The following DDX10 variants were observed in gnomAD, a reference collection of about 807,000 sequenced individuals.
The protein encoded by DDX10 is probable ATP-dependent RNA helicase DDX10.
In DDX10, 74 loss-of-function variants were observed where a neutral mutation model predicts 104.3. That is an observed-to-expected ratio of 0.71 (90% CI 0.59 to 0.86). The LOEUF (loss-of-function observed/expected upper bound fraction) is 0.86, where lower values mean the gene tolerates loss of function less well. Among genes scored for constraint, DDX10 ranks in the 40% least tolerant of loss-of-function variants. DDX10 has a pLI of 0.00. For missense variants in DDX10, 952 were observed against 1,040.0 expected (o/e 0.92, Z 1.16); for synonymous variants, 351 against 353.4 (o/e 0.99, Z 0.08).
intron 13 of DDX10, among the ~76,000 whole-genome samples, chr11:108,769,811 G>A (rs1011869949): frequency 4.6e-5 from 7 of 152,046 alleles, no homozygotes; most frequent in Admixed American, 6.5e-5. Flanking sequence ...GTTTCTGTGG[G>A]TTATACCTAT....
intron 13 of DDX10, among the ~76,000 whole-genome samples, chr11:108,811,527 C>A (rs140358842): frequency 0.015 from 2,305 of 152,278 alleles, 44 homozygotes; most frequent in African/African-American, 0.046. Flanking sequence ...TATTCACCAT[C>A]CTCTGCCATG....
intron 16 of DDX10, among the ~76,000 whole-genome samples, chr11:108,853,226 G>C (rs1490246088): frequency 6.6e-6 from 1 of 152,134 alleles, no homozygotes; most frequent in East Asian, 1.9e-4. Flanking sequence ...TAACGTGCAG[G>C]CGTGAAACAC....
intron 17 of DDX10, among the ~76,000 whole-genome samples, chr11:108,931,636 T>G (rs756630334): frequency 1.7e-4 from 26 of 152,220 alleles, no homozygotes; most frequent in Non-Finnish European, 2.9e-4. Context: ...AAAGGTTCCA[T>G]GGTCACAGTA....
intron 16 of DDX10, among the ~76,000 whole-genome samples, chr11:108,893,012 C>A (rs1259991643): frequency 1.3e-5 from 2 of 152,134 alleles, no homozygotes; most frequent in Admixed American, 6.6e-5. Flanking sequence ...GAAATCTTCA[C>A]AGTCCTCTTG....
At chr11:108,705,952 A>G (rs549689840) in intron 9 of DDX10, among the ~76,000 whole-genome samples, 13 of 152,034 alleles carry the variant, frequency 8.6e-5, no homozygotes, top group Non-Finnish European at 1.5e-4. Context: ...GGAGGCAAGC[A>G]TTTTACTTGA....
At chr11:108,857,889 T>C (rs1438091685) in intron 16 of DDX10, among the ~76,000 whole-genome samples, 2 of 152,206 alleles carry the variant, frequency 1.3e-5, no homozygotes, top group African/African-American at 2.4e-5. Context: ...TGAAATTGCT[T>C]TCCTTATCCA....
At chr11:108,725,537 G>C (rs375720077) in intron 13 of DDX10, among the ~76,000 whole-genome samples, 8 of 152,188 alleles carry the variant, frequency 5.3e-5, no homozygotes, top group South Asian at 4.2e-4. Flanking sequence ...CCCTACTGCA[G>C]TTTTAATTTG....
chr11:108,839,428 A>G (rs1247682505), intron 14 of DDX10, among the ~76,000 whole-genome samples: 1 of 152,188 alleles, frequency 6.6e-6, no homozygotes. Flanking sequence ...CTTGAGAGGA[A>G]GGTATTTTGT....
chr11:108,677,701 A>G (rs1011354741), intron 4 of DDX10, among the ~76,000 whole-genome samples: 1 of 148,792 alleles, frequency 6.7e-6, no homozygotes, highest in Non-Finnish European at 1.5e-5. Context: ...CTTATAGCAC[A>G]TCTAGAATGC....
chr11:108,673,726 G>C (rs1232395394), intron 2 of DDX10, among the ~76,000 whole-genome samples, 199 bp downstream of exon 2: 1 of 152,206 alleles, frequency 6.6e-6, no homozygotes, highest in Non-Finnish European at 1.5e-5. Context: ...AGAAAAACAA[G>C]TTTCCAGCAT....
chr11:108,749,147 G>A (rs550494593), intron 13 of DDX10, among the ~76,000 whole-genome samples: 56 of 151,488 alleles, frequency 3.7e-4, no homozygotes, highest in African/African-American at 1.2e-3. Flanking sequence ...TGATCTGCCC[G>A]CCTCGGCCTC....
intron 10 of DDX10, among the ~76,000 whole-genome samples, chr11:108,707,925 G>A (rs1340505960): frequency 1.3e-5 from 2 of 152,202 alleles, no homozygotes; most frequent in Non-Finnish European, 2.9e-5. Flanking sequence ...AGCTTTGGCA[G>A]TTATTAGTAA....
chr11:108,687,317 A>AT (rs1414095470), intron 6 of DDX10, among the ~76,000 whole-genome samples: 1 of 151,250 alleles, frequency 6.6e-6, no homozygotes, highest in Non-Finnish European at 1.5e-5. Flanking sequence ...ATTGTTTTTT[A>AT]TTTTTTTGAG....
chr11:108,907,706 T>A (rs1185889205), intron 16 of DDX10, among the ~76,000 whole-genome samples: 1 of 152,156 alleles, frequency 6.6e-6, no homozygotes, highest in East Asian at 1.9e-4. Flanking sequence ...AAGATCCCCA[T>A]AATTGTAGGG....
At chr11:108,919,708 T>C (rs537600918) in intron 17 of DDX10, 1 of 152,262 alleles carries the variant, frequency 6.6e-6, no homozygotes, top group Non-Finnish European at 1.5e-5. Flanking sequence ...TTTGAAACCT[T>C]TGGCAGGATG....
At chr11:108,797,122 C>T (rs1174189565) in intron 13 of DDX10, among the ~76,000 whole-genome samples, 2 of 152,110 alleles carry the variant, frequency 1.3e-5, no homozygotes, top group Non-Finnish European at 2.9e-5. Context: ...CAGCCTCTGC[C>T]TCCTGGGTTG....
At chr11:108,707,412 T>A (rs1375655709) in intron 10 of DDX10, among the ~76,000 whole-genome samples, 7 of 152,228 alleles carry the variant, frequency 4.6e-5, no homozygotes, top group Non-Finnish European at 2.9e-5. Context: ...GTAGTATGCA[T>A]TTAAGTTTCC....
intron 16 of DDX10, among the ~76,000 whole-genome samples, chr11:108,863,598 G>T (rs1251133823): frequency 6.6e-6 from 1 of 152,102 alleles, no homozygotes; most frequent in African/African-American, 2.4e-5. Context: ...ATTATCGGAA[G>T]GCTTCAGCCT....
At chr11:108,922,597 T>C (rs1863849672) in intron 17 of DDX10, among the ~76,000 whole-genome samples, 1 of 152,200 alleles carries the variant, frequency 6.6e-6, no homozygotes, top group Admixed American at 6.5e-5. Context: ...TTAAAGAGTT[T>C]TTACTTCTGC....
Sources: allele counts gnomAD v4.1 joint callset (sites outside exome capture counted in the v4.1 genomes callset), GRCh38; gene constraint gnomAD v4.1.1; transcripts MANE v1.5; gene names NCBI Gene and HGNC (gene_info 2026-07-23, HGNC 2026-07-21).